HERC2: variants seen among roughly 807,000 people sequenced by gnomAD.
The protein encoded by HERC2 is HECT and RLD domain containing E3 ubiquitin protein ligase 2.
Under a neutral mutation model 537.7 loss-of-function variants are expected in HERC2, and 102 were observed. The ratio of observed to expected loss-of-function variants is 0.19; its 90% CI spans 0.16 to 0.22. The LOEUF is 0.22. HERC2 is among the 10% of genes least tolerant of loss of function. HERC2 has a pLI of 1.00. For missense variants in HERC2, 4,236 were observed against 6,198.2 expected, an observed-to-expected ratio of 0.68 and a Z score of 10.63; for synonymous variants, 2,224 against 2,466.2, an observed-to-expected ratio of 0.90 and a Z score of 2.91.
chr15:28,195,417 T>A (rs1005282338), intron 52 of HERC2, among the ~76,000 whole-genome samples: 1 of 151,846 alleles, frequency 6.6e-6, no homozygotes, highest in Admixed American at 6.6e-5. Context: ...GCCAAGATCG[T>A]GCCACTGCAG....
rs1887912257 is a variant in HERC2 at position 28,113,734 on chromosome 15, G to A, written c.13914-56C>T. On this transcript the variant is annotated intron_variant, in intron 90 of 92. Coordinates refer to ENST00000261609, the MANE Select transcript of HERC2 (RefSeq NM_004667.6). The surrounding 1 kb of genome is among the most constrained non-coding windows in gnomAD (Gnocchi z 7.0). ...TCTTCAGTGACACTGACTTTATGCT[G>A]CTCACACCAAGCCTTGGCATGCAGC... 20 of 1,422,582 alleles carry A rather than the reference G, an allele frequency of 1.4e-5. No homozygotes were observed. The South Asian group carries it at 2.2e-4, about 16-fold the overall frequency. The allele number at this position is 1,422,582 out of a possible 1,614,324, so 88.1% of individuals were successfully genotyped here. A position where few individuals can be genotyped will look rare whatever the true frequency, so the allele number is the denominator to read the frequency against.
At chr15:28,318,469 G>T (rs527612728) in intron 2 of HERC2, among the ~76,000 whole-genome samples, 1 of 152,178 alleles carries the variant, frequency 6.6e-6, no homozygotes, top group South Asian at 2.1e-4. Context: ...TCTACTAAAA[G>T]TACACAAAAT....
chr15:28,269,978 T>C (rs1238793461), intron 10 of HERC2, among the ~76,000 whole-genome samples: 5 of 152,224 alleles, frequency 3.3e-5, no homozygotes, highest in Admixed American at 3.3e-4. Context: ...TGTTGTTTGT[T>C]GAGATGGGGT....
chr15:28,301,943 G>A (rs980909314), intron 2 of HERC2, among the ~76,000 whole-genome samples: 3 of 150,560 alleles, frequency 2.0e-5, no homozygotes, highest in Admixed American at 6.6e-5. Context: ...GGGACTACAG[G>A]CTCACACCAC....
At position 28,268,431 on chromosome 15, in the gene HERC2, G is replaced by C; in HGVS notation, c.1598+34C>G. ...TTTAGGATATGGCAACATAAAAGGA[G>C]AGTGTGTCCCCTACAGGAATAAGCG... On this transcript the variant is annotated intron_variant, in intron 12 of 92. Coordinates refer to ENST00000261609, the MANE Select transcript of HERC2 (RefSeq NM_004667.6). This position sits in a 1 kb window ranked among gnomAD's most constrained non-coding sequence, Gnocchi z 4.7. The C allele has an allele frequency of 1.9e-6, 3 of 1,592,806 alleles. No homozygotes were observed. The highest frequency in any genetic ancestry group is 2.7e-5 in the African/African-American group (2 of 74,480).
At position 28,113,378 on chromosome 15, in the gene HERC2, T is replaced by TG. The variant is rs1887866049; in HGVS notation, c.14020-96dup. On this transcript the variant is annotated intron_variant, in intron 91 of 92. Transcript: ENST00000261609. The surrounding 1 kb of genome is among the most constrained non-coding windows in gnomAD (Gnocchi z 7.0). ...CTCCCTCTCTACACCAAGGCCTGTTTGGGGTGGGGAAAGGTCTGGGGGCTC... is the reference window on the plus strand; with the variant it reads ...CTCCCTCTCTACACCAAGGCCTGTTTGGGGGTGGGGAAAGGTCTGGGGGCTC... 9 of 1,316,400 alleles carry TG rather than the reference T, an allele frequency of 6.8e-6. No individual in the cohort carries two copies. Among genetic ancestry groups the TG allele is most frequent in the Admixed American group, 1.9e-5 (1 of 52,572 alleles). 81.5% of individuals were successfully genotyped at this position (1,316,400 alleles called of 1,614,324 possible). A position where few individuals can be genotyped will look rare whatever the true frequency, so the allele number is the denominator to read the frequency against.
At chr15:28,184,066 C>T (rs1202760095) in intron 56 of HERC2, among the ~76,000 whole-genome samples, 1 of 151,950 alleles carries the variant, frequency 6.6e-6, no homozygotes, top group Admixed American at 6.6e-5. Flanking sequence ...TAGCAGACAC[C>T]TGTAATCCCA....
At chr15:28,214,845 T>C in intron 39 of HERC2, 43 bp from the exon 40 acceptor site, 1 of 1,487,626 alleles carries the variant, frequency 6.7e-7, no homozygotes. Context: ...AAAAAAAATC[T>C]GATGAGGAAA....
intron 48 of HERC2, among the ~76,000 whole-genome samples, 168 bp from the exon 49 acceptor site, chr15:28,198,937 C>T (rs1359892299): frequency 6.6e-6 from 1 of 152,118 alleles, no homozygotes; most frequent in Non-Finnish European, 1.5e-5. Context: ...CACTTGAGCT[C>T]AGGTGTTTGA....
chr15:28,117,295 C>G (rs781616932), intron 86 of HERC2, 141 bp from the exon 87 acceptor site: 1 of 877,792 alleles, frequency 1.1e-6, no homozygotes, highest in Admixed American at 2.0e-5. Flanking sequence ...CTTGTGTGGA[C>G]GCCAGGCAGA....
chr15:28,139,523 C>A (rs1161452148), intron 78 of HERC2, among the ~76,000 whole-genome samples: 1 of 152,200 alleles, frequency 6.6e-6, no homozygotes, highest in Non-Finnish European at 1.5e-5. Flanking sequence ...AGATTCTGAG[C>A]TGGAGGACGG....
chr15:28,138,032 G>GC (rs1890824237), intron 78 of HERC2, among the ~76,000 whole-genome samples: 1 of 151,670 alleles, frequency 6.6e-6, no homozygotes, highest in African/African-American at 2.4e-5. Context: ...ATTCCCTTAA[G>GC]CCAAAGCTAA....
chr15:28,116,349 G>A (rs1183922048), intron 88 of HERC2, among the ~76,000 whole-genome samples: 1 of 151,698 alleles, frequency 6.6e-6, no homozygotes, highest in Non-Finnish European at 1.5e-5. Flanking sequence ...GAGTAGCTGG[G>A]ACTACAGGTG....
At chr15:28,307,261 C>G (rs1207760676) in intron 2 of HERC2, among the ~76,000 whole-genome samples, 2 of 152,208 alleles carry the variant, frequency 1.3e-5, no homozygotes, top group Non-Finnish European at 2.9e-5. Context: ...TGATTTGGGT[C>G]TTCTTTTTCT....
intron 92 of HERC2, among the ~76,000 whole-genome samples, chr15:28,112,276 G>A (rs1456217875): frequency 2.0e-5 from 3 of 152,166 alleles, no homozygotes; most frequent in Non-Finnish European, 2.9e-5. Context: ...AAGAGGGCCC[G>A]AGGACCACAC....
chr15:28,321,682 G>A (rs2077234185), intron 1 of HERC2, among the ~76,000 whole-genome samples: 1 of 121,534 alleles, frequency 8.2e-6, no homozygotes, highest in Non-Finnish European at 1.6e-5. Context: ...GGTGTGCCGA[G>A]TTTCTGCACC....
chr15:28,285,345 G>C (rs2076127942), intron 4 of HERC2, among the ~76,000 whole-genome samples: 2 of 152,170 alleles, frequency 1.3e-5, no homozygotes, highest in African/African-American at 4.8e-5. Context: ...CACAGCATAT[G>C]TTCCCTCAAA....
chr15:28,175,616 C>T lies in HERC2; in HGVS notation c.9727G>A (p.Val3243Met), dbSNP rs771009826. 5.6e-6 allele frequency: 9 copies of T among 1,614,022 alleles called. No individual in the cohort carries two copies. In the Admixed American group the frequency reaches 1.2e-4, roughly 21 times the overall value. Residue 3243 changes from valine (V) to methionine (M), a missense_variant, in exon 64 of 93, where the codon GTG becomes ATG. By Grantham distance (21) the Val-to-Met change is conservative. Coordinates refer to ENST00000261609, the MANE Select transcript of HERC2 (RefSeq NM_004667.6). The stretch of plus-strand genomic sequence containing the variant: ...ACCACCTGTGGTTTCCGCACGTGCA[C>T]GTCAGAGCCGTGGCCCAATCTGAAG... Reference protein sequence around the residue: ...DYFRLGHGSDVHVRKPQVVEG... With the variant: ...DYFRLGHGSDMHVRKPQVVEG...
intron 48 of HERC2, among the ~76,000 whole-genome samples, chr15:28,200,625 G>A (rs1046522384): frequency 2.0e-5 from 3 of 152,184 alleles, no homozygotes; most frequent in African/African-American, 7.2e-5. Context: ...TCAACCAAAT[G>A]TAGATAAGGC....
Sources: gnomAD v4.1 joint callset for allele counts (sites outside exome capture counted in the v4.1 genomes callset) on GRCh38, gnomAD v4.1.1 for gene constraint, Gnocchi (gnomAD v3.1) non-coding constraint, MANE v1.5 for transcripts, NCBI Gene and HGNC (gene_info 2026-07-23, HGNC 2026-07-21) for gene names.